NBEA: variants seen among roughly 807,000 people sequenced by gnomAD.
NBEA encodes lysosomal-trafficking regulator 2.
NBEA carries 44 observed loss-of-function variants against 343.4 expected under a neutral mutation model. That is an observed-to-expected ratio of 0.13 (90% CI 0.10 to 0.16). The LOEUF is 0.16. NBEA is among the 10% of genes least tolerant of loss of function. NBEA has a pLI of 1.00. For missense variants in NBEA, 2,555 were observed against 3,631.3 expected, an observed-to-expected ratio of 0.70 and a Z score of 7.62; for synonymous variants, 1,175 against 1,238.7, an observed-to-expected ratio of 0.95 and a Z score of 1.08.
intron 8 of NBEA, 40 bp downstream of exon 8, chr13:35,058,903 TTAGATGTAAAATGTGGTG>T: frequency 6.7e-7 from 1 of 1,494,596 alleles, no homozygotes; most frequent in Admixed American, 2.1e-5. Flanking sequence ...ATGGAGAGTT[TTAGATGTAAAATGTGGTG>T]TAATATCATT....
At chr13:35,582,756 C>T (rs1381647090) in intron 45 of NBEA, among the ~76,000 whole-genome samples, 1 of 152,080 alleles carries the variant, frequency 6.6e-6, no homozygotes, top group Non-Finnish European at 1.5e-5. Flanking sequence ...TATGGAAATT[C>T]TAACAGACTT....
chr13:35,041,076 A>G lies in NBEA; in HGVS notation c.438A>G (p.Lys146=), dbSNP rs2062630172. The G allele has an allele frequency of 6.2e-7, 1 of 1,613,214 alleles. No homozygotes were observed. Among genetic ancestry groups the G allele is most frequent in the Non-Finnish European group, 8.5e-7 (1 of 1,179,452 alleles). Reference sequence around the variant, plus strand: ...GCATGTTTACAGCCATTCTACGAAAAAGTGTTCGGAATTTACAGACTAGCA... The same window carrying G: ...GCATGTTTACAGCCATTCTACGAAAGAGTGTTCGGAATTTACAGACTAGCA... ...IWSMFTAILR[K]SVRNLQTSTE... is the part of the protein sequence containing the mutation. Residue 146 remains lysine (K), a synonymous_variant, in exon 2 of 59, where the codon AAA becomes AAG. Coordinates refer to ENST00000379939, the MANE Select transcript of NBEA (RefSeq NM_001385012.1).
intron 41 of NBEA, among the ~76,000 whole-genome samples, chr13:35,480,066 A>AAG (rs2076060023): frequency 1.3e-5 from 2 of 151,758 alleles, no homozygotes; most frequent in East Asian, 3.9e-4. Flanking sequence ...AGGAAAAAAA[A>AAG]AAAAAAAAGC....
intron 38 of NBEA, among the ~76,000 whole-genome samples, chr13:35,356,528 A>C (rs1262328085): frequency 6.6e-6 from 1 of 152,160 alleles, no homozygotes; most frequent in Non-Finnish European, 1.5e-5. Context: ...TCCATTGCTA[A>C]TCCAATGGGA....
intron 35 of NBEA, among the ~76,000 whole-genome samples, chr13:35,295,106 A>AAT (rs1383170437): frequency 8.7e-4 from 129 of 148,422 alleles, no homozygotes; most frequent in Non-Finnish European, 6.1e-4. Flanking sequence ...GGCAATGTAT[A>AAT]ATATTTATAT....
chr13:35,012,741 G>A (rs980245531), intron 1 of NBEA, among the ~76,000 whole-genome samples: 1 of 152,208 alleles, frequency 6.6e-6, no homozygotes, highest in African/African-American at 2.4e-5. Context: ...TCTTGTGCCT[G>A]TGAATTGTTC....
At chr13:35,499,800 G>A (rs775073692) in intron 41 of NBEA, among the ~76,000 whole-genome samples, 2 of 152,046 alleles carry the variant, frequency 1.3e-5, no homozygotes, top group Admixed American at 6.6e-5. Flanking sequence ...AAACTGTTGC[G>A]ATATCCTCAG....
In NBEA at chr13:35,385,507, T is replaced by C. The variant is rs549708553; in HGVS notation, c.6179+33184T>C. On this transcript the variant is annotated intron_variant, in intron 38 of 58. Coordinates refer to ENST00000379939, the MANE Select transcript of NBEA (RefSeq NM_001385012.1). ...GGAAGCCAGAAGTTCTAAACCAGCC[T>C]GGGCAACATAGCAAGGCCCTTGTCT... Among the ~76,000 whole-genome samples, 534 of 152,184 alleles carry C rather than the reference T, an allele frequency of 3.5e-3. 3 individuals carry two copies. Among genetic ancestry groups the C allele is most frequent in the African/African-American group, 0.012 (510 of 41,520 alleles).
chr13:35,117,342 C>G, intron 13 of NBEA, 72 bp from the exon 14 acceptor site: 1 of 665,108 alleles, frequency 1.5e-6, no homozygotes, highest in Non-Finnish European at 2.2e-6. Context: ...CCATAGTATC[C>G]CAAGATAATT....
intron 34 of NBEA, among the ~76,000 whole-genome samples, chr13:35,255,460 A>T (rs1194688341): frequency 6.6e-6 from 1 of 152,236 alleles, no homozygotes; most frequent in East Asian, 1.9e-4. Flanking sequence ...TGGGTGCATG[A>T]GCGGGCAAGC....
chr13:35,317,845 G>C (rs1285249910), intron 36 of NBEA, among the ~76,000 whole-genome samples: 7 of 151,536 alleles, frequency 4.6e-5, no homozygotes, highest in Non-Finnish European at 4.4e-5. Flanking sequence ...GTATTCCTAG[G>C]TATTATCTTA....
chr13:34,989,066 A>C (rs1401896335), intron 1 of NBEA, among the ~76,000 whole-genome samples: 1 of 150,448 alleles, frequency 6.6e-6, no homozygotes, highest in Middle Eastern at 3.2e-3. Context: ...TTAGAATTTC[A>C]TTATTTTATA....
intron 14 of NBEA, 91 bp downstream of exon 14, chr13:35,117,584 AC>A: frequency 2.0e-6 from 1 of 502,376 alleles, no homozygotes; most frequent in Non-Finnish European, 3.0e-6. Flanking sequence ...AGTAATAGCT[AC>A]CTTTAATTCA....
intron 36 of NBEA, among the ~76,000 whole-genome samples, chr13:35,324,686 G>A (rs1239461982): frequency 2.0e-5 from 3 of 152,092 alleles, no homozygotes; most frequent in Non-Finnish European, 4.4e-5. Flanking sequence ...GAGAGGTTAG[G>A]ATTTATGTGC....
At position 35,194,165 on chromosome 13, in the gene NBEA, A is replaced by T. The variant is rs575215705; in HGVS notation, c.4928-1699A>T. 5.3e-5 allele frequency among the ~76,000 whole-genome samples: 8 copies of T among 152,160 alleles called. No homozygotes were observed. In the South Asian group the frequency reaches 1.7e-3, roughly 32 times the overall value. On this transcript the variant is annotated intron_variant, in intron 30 of 58. Transcript: ENST00000379939. ...TTCAAGCAATTAAAAAAACTGTCTA[A>T]TAGACAACACCCAAGAATTGAGTCT...
chr13:35,129,478 A>G (rs1296922623), intron 17 of NBEA, among the ~76,000 whole-genome samples: 1 of 152,152 alleles, frequency 6.6e-6, no homozygotes, highest in Non-Finnish European at 1.5e-5. Flanking sequence ...ATGTAAAGGT[A>G]GTAATTACAA....
chr13:35,036,350 C>A (rs1303279721), intron 1 of NBEA, among the ~76,000 whole-genome samples: 3 of 151,994 alleles, frequency 2.0e-5, no homozygotes, highest in Non-Finnish European at 2.9e-5. Context: ...CATTATACTG[C>A]CTATGTCTTG....
chr13:35,379,629 A>G (rs1489709484), intron 38 of NBEA, among the ~76,000 whole-genome samples: 2 of 151,744 alleles, frequency 1.3e-5, no homozygotes, highest in African/African-American at 4.8e-5. Context: ...TTTCTTCCAA[A>G]AGCTTTCTTG....
In NBEA at chr13:35,368,166, T is replaced by C. The variant is rs77949288; in HGVS notation, c.6179+15843T>C. 2.4e-4 allele frequency among the ~76,000 whole-genome samples: 36 copies of C among 151,722 alleles called. No individual in the cohort carries two copies. In the East Asian group the frequency reaches 6.0e-3, roughly 25 times the overall value. On this transcript the variant is annotated intron_variant, in intron 38 of 58. Coordinates refer to ENST00000379939, the MANE Select transcript of NBEA (RefSeq NM_001385012.1). ...GTAAAATATATAAATCAATTACTAC[T>C]ATGTAATTCGTTATCTTATATAGGT...
Sources: gnomAD v4.1 joint callset for allele counts (sites outside exome capture counted in the v4.1 genomes callset) on GRCh38, gnomAD v4.1.1 for gene constraint, MANE v1.5 for transcripts, NCBI Gene and HGNC (gene_info 2026-07-23, HGNC 2026-07-21) for gene names.